Variants in CEP350 observed in about 807,000 individuals in gnomAD.
CEP350 encodes the protein centrosomal protein 350, also known as centrosome-associated protein 350.
Under a neutral mutation model 331.8 loss-of-function variants are expected in CEP350, and 126 were observed. The observed-to-expected ratio is 0.38, with a 90% CI of 0.33 to 0.44. The LOEUF is 0.44. Ranked by LOEUF, CEP350 falls within the 20% of genes least tolerant of loss-of-function variation. The probability of loss-of-function intolerance (pLI) is 1.00; values close to 1 mark genes in which losing one functional copy is unlikely to be tolerated. For missense variants in CEP350, 3,406 were observed against 3,634.6 expected, an observed-to-expected ratio of 0.94 and a Z score of 1.62; for synonymous variants, 1,200 against 1,259.5, an observed-to-expected ratio of 0.95 and a Z score of 1.00.
At position 179,956,972 on chromosome 1, in the gene CEP350, C is replaced by T. The variant is rs183261899; in HGVS notation, c.-14+1830C>T. On this transcript the variant is annotated intron_variant, in intron 1 of 37. Transcript: ENST00000367607. ...TTCTATTTTTGTTCCTTTTTACATG[C>T]CACTTGCCCCTTATGCTGATGATCG... 3.4e-3 allele frequency among the ~76,000 whole-genome samples: 510 copies of T among 152,096 alleles called. 5 individuals carry two copies. The highest frequency in any genetic ancestry group is 0.012 in the African/African-American group (492 of 41,508).
At chr1:179,979,665 AT>A (rs1161226323) in intron 1 of CEP350, among the ~76,000 whole-genome samples, 1 of 151,800 alleles carries the variant, frequency 6.6e-6, no homozygotes, top group Non-Finnish European at 1.5e-5. Context: ...TCTTCTAATT[AT>A]TTTATAGTTT....
intron 1 of CEP350, among the ~76,000 whole-genome samples, chr1:179,959,850 CCTTAAGT>C (rs1344104845): frequency 6.6e-6 from 1 of 152,072 alleles, no homozygotes; most frequent in African/African-American, 2.4e-5. Flanking sequence ...AGCTTTGTAG[CCTTAAGT>C]CTTATTTCTT....
At chr1:180,008,369 C>T (rs1433366487) in intron 8 of CEP350, among the ~76,000 whole-genome samples, 1 of 152,150 alleles carries the variant, frequency 6.6e-6, no homozygotes, top group Non-Finnish European at 1.5e-5. Context: ...ATTTATCCCA[C>T]AGGGTTGTTG....
intron 1 of CEP350, 68 bp downstream of exon 1, chr1:179,955,210 T>G: frequency 1.1e-4 from 124 of 1,179,312 alleles, no homozygotes; most frequent in East Asian, 1.8e-4. Context: ...CTGTCCGCGG[T>G]CCCGGGTCCC....
At chr1:179,987,118 C>A in intron 2 of CEP350, 122 bp from the exon 3 acceptor site, 1 of 578,168 alleles carries the variant, frequency 1.7e-6, no homozygotes, top group South Asian at 2.0e-5. Context: ...AGGAATTGTT[C>A]TGCCTAATAA....
intron 10 of CEP350, among the ~76,000 whole-genome samples, 154 bp downstream of exon 10, chr1:180,014,659 T>A (rs1327816595): frequency 6.6e-6 from 1 of 152,210 alleles, no homozygotes; most frequent in Non-Finnish European, 1.5e-5. Flanking sequence ...TGAGGAGTAA[T>A]GTGATAAATG....
intron 6 of CEP350, 53 bp downstream of exon 6, chr1:179,997,228 TC>T: frequency 6.5e-7 from 1 of 1,540,458 alleles, no homozygotes. Context: ...TTCTTCTTTC[TC>T]CCTAGGGTGT....
At chr1:180,074,648 G>T (rs556221933) in intron 27 of CEP350, among the ~76,000 whole-genome samples, 2 of 152,042 alleles carry the variant, frequency 1.3e-5, no homozygotes, top group Admixed American at 1.3e-4. Flanking sequence ...TGTGTTTTCT[G>T]GTCTGAGCCT....
chr1:180,061,501 C>T (rs192704443), intron 25 of CEP350, among the ~76,000 whole-genome samples: 9 of 152,236 alleles, frequency 5.9e-5, no homozygotes, highest in Admixed American at 2.6e-4. Flanking sequence ...GCCAAGAAAA[C>T]AGATTTAAAA....
chr1:180,020,192 T>C lies in CEP350; in HGVS notation c.2418T>C (p.Tyr806=), dbSNP rs774678495. Residue 806 remains tyrosine (Y), a synonymous_variant, in exon 12 of 38, where the codon TAT becomes TAC. Coordinates refer to ENST00000367607, the MANE Select transcript of CEP350 (RefSeq NM_014810.5). ...PQPYVTSPAA[Y]TDALLKPSAS... is the part of the protein sequence containing the mutation. Reference sequence around the variant, plus strand: ...CATATGTGACCTCACCAGCTGCTTATACAGATGCCTTGTTAAAACCTAGTG... The same window carrying C: ...CATATGTGACCTCACCAGCTGCTTACACAGATGCCTTGTTAAAACCTAGTG... 17 of 1,613,928 alleles carry C rather than the reference T, an allele frequency of 1.1e-5. 1 individual carries two copies. The highest frequency in any genetic ancestry group is 1.4e-5 in the Non-Finnish European group (16 of 1,179,904).
In CEP350 at chr1:180,092,783, A is replaced by G. The variant is rs1329304508; in HGVS notation, c.6678A>G (p.Val2226=). The G allele has an allele frequency of 6.3e-7, 1 of 1,580,110 alleles. No individual in the cohort carries two copies. The highest frequency in any genetic ancestry group is 1.8e-5 in the Admixed American group (1 of 54,316). The part of the protein sequence containing the change: ...REESGDSLEN[V]PALHLLKELN... ...AATCTGGAGATTCTCTAGAAAATGT[A>G]CCTGCATTACATCTTCTCAAAGAAT... Residue 2226 remains valine (V), a synonymous_variant, in exon 34 of 38, where the codon GTA becomes GTG. Coordinates refer to ENST00000367607, the MANE Select transcript of CEP350 (RefSeq NM_014810.5).
chr1:179,988,307 A>C (rs1246768787), intron 3 of CEP350, among the ~76,000 whole-genome samples: 1 of 152,088 alleles, frequency 6.6e-6, no homozygotes, highest in East Asian at 1.9e-4. Flanking sequence ...AAAAAAAAAA[A>C]AAAAAAATTT....
At chr1:180,072,308 T>C (rs1457689585) in intron 27 of CEP350, among the ~76,000 whole-genome samples, 1 of 152,192 alleles carries the variant, frequency 6.6e-6, no homozygotes, top group Admixed American at 6.5e-5. Context: ...GGTCTCTGTG[T>C]TGGGCTAGAG....
chr1:179,988,983 TAATTTAGAGTTTAG>T, intron 3 of CEP350, among the ~76,000 whole-genome samples: 1 of 152,132 alleles, frequency 6.6e-6, no homozygotes, highest in South Asian at 2.1e-4. Context: ...AGTGCTAAAC[TAATTTAGAGTTTAG>T]CACTAAGTTA....
chr1:180,041,632 A>G (rs907887864), intron 18 of CEP350, 30 bp from the exon 19 acceptor site: 2 of 1,588,480 alleles, frequency 1.3e-6, no homozygotes, highest in East Asian at 2.3e-5. Context: ...TTAAAACATA[A>G]CTTCTTTTTT....
At chr1:180,042,826 T>TA (rs1367801884) in intron 19 of CEP350, among the ~76,000 whole-genome samples, 1 of 152,240 alleles carries the variant, frequency 6.6e-6, no homozygotes, top group East Asian at 1.9e-4. Context: ...CATAGATTGT[T>TA]ATAGCTGGGT....
chr1:180,017,047 C>T (rs1299240738), intron 11 of CEP350, among the ~76,000 whole-genome samples: 2 of 152,048 alleles, frequency 1.3e-5, no homozygotes, highest in African/African-American at 2.4e-5. Context: ...TCTTAGGTTC[C>T]AGGCAATGAT....
chr1:180,063,568 T>C (rs553493275), intron 26 of CEP350, among the ~76,000 whole-genome samples: 1 of 151,904 alleles, frequency 6.6e-6, no homozygotes, highest in South Asian at 2.1e-4. Flanking sequence ...TCCCAACACT[T>C]TGGGAGGCCT....
intron 27 of CEP350, chr1:180,073,657 A>T: frequency 5.7e-6 from 2 of 349,378 alleles, no homozygotes; most frequent in Non-Finnish European, 8.0e-6. Context: ...TGCCTGCTTT[A>T]ACTGAGTCAC....
Sources: allele counts gnomAD v4.1 joint callset (sites outside exome capture counted in the v4.1 genomes callset), GRCh38; gene constraint gnomAD v4.1.1; transcripts MANE v1.5; gene names NCBI Gene and HGNC (gene_info 2026-07-23, HGNC 2026-07-21).